The following CIDEA variants were observed in gnomAD, a reference collection of about 807,000 sequenced individuals.
CIDEA encodes the protein cell death inducing DFFA like effector a, also known as lipid transferase CIDEA.
CIDEA carries 10 observed loss-of-function variants against 18.2 expected under a neutral mutation model. The observed-to-expected ratio is 0.55, with a 90% CI of 0.34 to 0.93. The LOEUF is 0.93. Among genes scored for constraint, CIDEA ranks in the 40% least tolerant of loss-of-function variants. CIDEA has a pLI of 0.02. For synonymous variants in CIDEA, 128 were observed against 124.8 expected (o/e 1.03, Z -0.17); for missense variants, 309 against 293.1 (o/e 1.05, Z -0.40).
chr18:12,269,784 A>C (rs746899958), intron 3 of CIDEA, among the ~76,000 whole-genome samples: 1 of 151,726 alleles, frequency 6.6e-6, no homozygotes, highest in Non-Finnish European at 1.5e-5. Context: ...TGCAGCCTTC[A>C]CCTCCTGGGC....
chr18:12,272,471 C>T (rs1169078144), intron 3 of CIDEA, among the ~76,000 whole-genome samples: 9 of 152,096 alleles, frequency 5.9e-5, no homozygotes, highest in Admixed American at 5.2e-4. Flanking sequence ...TCTCGGCCTC[C>T]CAAAATGCTG....
chr18:12,260,963 G>A (rs1486832872), intron 1 of CIDEA, among the ~76,000 whole-genome samples: 1 of 152,232 alleles, frequency 6.6e-6, no homozygotes, highest in Non-Finnish European at 1.5e-5. Context: ...CTCTGTGGGG[G>A]CATGGGGATT....
rs1236424258 is a variant in CIDEA, at chr18:12,264,522, C to T, written c.330+69C>T. On this transcript the variant is annotated intron_variant, in intron 3 of 4. Transcript: ENST00000320477. ...TTTACCTACAAATTTGTGTGCCCTA[C>T]TTGGGTGTTGACTTGTCCACTTTCT... 9 of 1,224,408 alleles carry T rather than the reference C, an allele frequency of 7.4e-6. No individual in the cohort carries two copies. In the Admixed American group the frequency reaches 9.3e-5, roughly 13 times the overall value. 75.8% of individuals were successfully genotyped at this position (1,224,408 alleles called of 1,614,324 possible). A position where few individuals can be genotyped will look rare whatever the true frequency, so the allele number is the denominator to read the frequency against.
intron 3 of CIDEA, among the ~76,000 whole-genome samples, chr18:12,272,888 G>A (rs887023591): frequency 6.6e-5 from 10 of 152,282 alleles, no homozygotes; most frequent in Non-Finnish European, 1.3e-4. Context: ...AAAGTGCTGA[G>A]ACTACAGGCA....
chr18:12,263,171 A>G (rs9959733), intron 2 of CIDEA, among the ~76,000 whole-genome samples: 89,517 of 152,086 alleles, frequency 0.59, 27,143 homozygotes, highest in African/African-American at 0.74. Context: ...TTGAGACAGG[A>G]TCTTGCCATG....
chr18:12,268,472 C>T (rs1490478089), intron 3 of CIDEA, among the ~76,000 whole-genome samples: 1 of 150,976 alleles, frequency 6.6e-6, no homozygotes, highest in East Asian at 2.0e-4. Context: ...TCTCAGCTCA[C>T]TGCTACCTCG....
intron 3 of CIDEA, among the ~76,000 whole-genome samples, chr18:12,267,422 T>C (rs1443788779): frequency 6.6e-6 from 1 of 152,252 alleles, no homozygotes; most frequent in African/African-American, 2.4e-5. Context: ...GCTACAGGCA[T>C]CCATGTGGAT....
At chr18:12,277,023 C>T (rs1905358016) in intron 4 of CIDEA, 100 bp from the exon 5 acceptor site, 6 of 1,346,432 alleles carry the variant, frequency 4.5e-6, no homozygotes, top group South Asian at 1.3e-5. Context: ...TGGCCTCCTC[C>T]GAGTGCCTTT....
intron 3 of CIDEA, among the ~76,000 whole-genome samples, chr18:12,266,476 A>C (rs1912351706): frequency 6.6e-6 from 1 of 152,168 alleles, no homozygotes; most frequent in Non-Finnish European, 1.5e-5. Flanking sequence ...ATACATTAAA[A>C]AGGAACAAGA....
At chr18:12,263,537 G>C (rs1440347212) in intron 2 of CIDEA, 1 of 152,258 alleles carries the variant, frequency 6.6e-6, no homozygotes, top group African/African-American at 2.4e-5. Flanking sequence ...AAACATTGAG[G>C]TACAGAGACA....
At chr18:12,272,900 G>A (rs1046191497) in intron 3 of CIDEA, among the ~76,000 whole-genome samples, 11 of 152,194 alleles carry the variant, frequency 7.2e-5, no homozygotes, top group Admixed American at 7.2e-4. Flanking sequence ...CTACAGGCAT[G>A]AGCCACTGTG....
intron 3 of CIDEA, among the ~76,000 whole-genome samples, chr18:12,273,720 TGATGA>T (rs1912615637): frequency 6.6e-6 from 1 of 152,204 alleles, no homozygotes; most frequent in Admixed American, 6.5e-5. Flanking sequence ...TGTGTTACAG[TGATGA>T]GATGAGATTC....
chr18:12,255,298 C>T (rs1377654126), intron 1 of CIDEA, among the ~76,000 whole-genome samples: 1 of 152,166 alleles, frequency 6.6e-6, no homozygotes, highest in African/African-American at 2.4e-5. Context: ...TCAGCGGCGC[C>T]GGGTCCCACT....
At chr18:12,272,508 C>T (rs142705934) in intron 3 of CIDEA, among the ~76,000 whole-genome samples, 3,054 of 150,920 alleles carry the variant, frequency 0.02, 91 homozygotes, top group African/African-American at 0.068. Flanking sequence ...CCACCATGCC[C>T]GGCTAATTTT....
chr18:12,270,898 T>TTTTTTTTTTTTTTTTTTTTTTG (rs1912504667), intron 3 of CIDEA, among the ~76,000 whole-genome samples: 1 of 99,492 alleles, frequency 1.0e-5, no homozygotes, highest in Non-Finnish European at 2.2e-5. Flanking sequence ...TCTTTTCTTT[T>TTTTTTTTTTTTTTTTTTTTTTG]TTTTTTTTTT....
rs770070178 is a variant in CIDEA at position 12,274,190 on chromosome 18, G to A, written c.428G>A (p.Gly143Asp). ...AGGCTGAACCCCAAGGACTTCATCGGCTGCCTTAACGTGAAGGCCACCATG... is the reference window on the plus strand; with the variant it reads ...AGGCTGAACCCCAAGGACTTCATCGACTGCCTTAACGTGAAGGCCACCATG... ...LYRLNPKDFIGCLNVKATMYE... is the reference protein window; with the variant it reads ...LYRLNPKDFIDCLNVKATMYE... Residue 143 changes from glycine (G) to aspartate (D), a missense_variant, in exon 4 of 5, where the codon GGC becomes GAC. Gly to Asp is a moderately conservative substitution (Grantham distance 94, BLOSUM62 -1). Coordinates refer to ENST00000320477, the MANE Select transcript of CIDEA (RefSeq NM_001279.4). The A allele has an allele frequency of 3.1e-6, 5 of 1,614,180 alleles. No individual in the cohort carries two copies. The Admixed American group carries it at 8.3e-5, about 27-fold the overall frequency.
intron 4 of CIDEA, among the ~76,000 whole-genome samples, chr18:12,275,831 C>CT (rs11444877): frequency 0.27 from 40,332 of 151,478 alleles, 6,081 homozygotes; most frequent in East Asian, 0.53. Flanking sequence ...GGAGAGCTTC[C>CT]TTTTTTTTGT....
intron 3 of CIDEA, among the ~76,000 whole-genome samples, chr18:12,266,830 G>C (rs942936866): frequency 1.3e-5 from 2 of 149,266 alleles, no homozygotes; most frequent in Non-Finnish European, 3.0e-5. Context: ...GTGTGATCTC[G>C]GCTCACTGCA....
intron 4 of CIDEA, among the ~76,000 whole-genome samples, chr18:12,274,875 G>T (rs113542748): frequency 2.9e-4 from 44 of 152,350 alleles, no homozygotes; most frequent in African/African-American, 9.9e-4. Context: ...ATCAAAAGGA[G>T]CCTTCCTGGG....
Sources: allele counts gnomAD v4.1 joint callset (sites outside exome capture counted in the v4.1 genomes callset), GRCh38; gene constraint gnomAD v4.1.1; transcripts MANE v1.5; gene names NCBI Gene and HGNC (gene_info 2026-07-23, HGNC 2026-07-21).